The following CAMTA1 variants were observed in gnomAD, a reference collection of about 807,000 sequenced individuals.
CAMTA1 encodes the protein calmodulin binding transcription activator 1, also known as calmodulin-binding transcription activator 1.
In CAMTA1, 27 loss-of-function variants were observed where a neutral mutation model predicts 170.9. The observed-to-expected ratio is 0.16, with a 90% CI of 0.12 to 0.22. The LOEUF is 0.22. CAMTA1 is among the 10% of genes least tolerant of loss of function. The probability of loss-of-function intolerance (pLI) is 1.00; values close to 1 mark genes in which losing one functional copy is unlikely to be tolerated. For missense variants in CAMTA1, 1,619 were observed against 2,217.2 expected (o/e 0.73, Z 5.42); for synonymous variants, 833 against 891.5 (o/e 0.93, Z 1.17).
At chr1:7,387,190 C>T (rs2088107075) in intron 5 of CAMTA1, among the ~76,000 whole-genome samples, 1 of 152,082 alleles carries the variant, frequency 6.6e-6, no homozygotes, top group African/African-American at 2.4e-5. Context: ...GGGCTCCTTC[C>T]CTTGTGTATG....
chr1:7,449,477 G>T lies in CAMTA1; in HGVS notation c.439-18353G>T, dbSNP rs188099299. Among the ~76,000 whole-genome samples the T allele has an allele frequency of 2.0e-4, 31 of 152,260 alleles. 1 individual carries two copies. The highest frequency in any genetic ancestry group is 1.0e-3 in the Admixed American group (16 of 15,294). On this transcript the variant is annotated intron_variant, in intron 5 of 22. Coordinates refer to ENST00000303635, the MANE Select transcript of CAMTA1 (RefSeq NM_015215.4). ...AGGGCCTCAGTTATCTCACCTAGAA[G>T]ATAGGAATGAGGGCCAGGGCAGTGG...
intron 1 of CAMTA1, among the ~76,000 whole-genome samples, chr1:6,816,053 A>G (rs576097426): frequency 6.6e-6 from 1 of 152,280 alleles, no homozygotes; most frequent in Admixed American, 6.5e-5. Context: ...CCTGGGTCCC[A>G]TCCCCAGACA....
chr1:6,964,133 G>A (rs1445579732), intron 3 of CAMTA1, among the ~76,000 whole-genome samples: 1 of 152,186 alleles, frequency 6.6e-6, no homozygotes, highest in African/African-American at 2.4e-5. Flanking sequence ...TGCCCAGGTA[G>A]GGGTGCAGTG....
intron 6 of CAMTA1, among the ~76,000 whole-genome samples, chr1:7,519,195 G>A (rs1257890500): frequency 6.6e-6 from 1 of 152,114 alleles, no homozygotes; most frequent in Admixed American, 6.5e-5. Flanking sequence ...GTGCCCTGAT[G>A]CCGGCTGGCA....
intron 12 of CAMTA1, among the ~76,000 whole-genome samples, chr1:7,734,127 A>C (rs2149953183): frequency 6.6e-6 from 1 of 152,190 alleles, no homozygotes; most frequent in East Asian, 1.9e-4. Flanking sequence ...TTGTATTTTT[A>C]GTAGAGACGG....
chr1:6,993,249 A>C (rs1696676573), intron 3 of CAMTA1, among the ~76,000 whole-genome samples: 1 of 152,192 alleles, frequency 6.6e-6, no homozygotes, highest in South Asian at 2.1e-4. Context: ...CTATTAAAAA[A>C]ACCTGCAGGT....
chr1:7,301,817 T>G (rs2149555024), intron 5 of CAMTA1, among the ~76,000 whole-genome samples: 1 of 152,302 alleles, frequency 6.6e-6, no homozygotes, highest in African/African-American at 2.4e-5. Flanking sequence ...GTGCTCTCAC[T>G]TCCTGCAGCA....
intron 10 of CAMTA1, among the ~76,000 whole-genome samples, chr1:7,671,789 C>T (rs1241845046): frequency 6.6e-6 from 1 of 152,188 alleles, no homozygotes; most frequent in Non-Finnish European, 1.5e-5. Flanking sequence ...CTGCTTAGCA[C>T]GGTGTCCCTG....
At chr1:7,227,402 A>G (rs1661904356) in intron 4 of CAMTA1, among the ~76,000 whole-genome samples, 1 of 151,850 alleles carries the variant, frequency 6.6e-6, no homozygotes, top group Non-Finnish European at 1.5e-5. Flanking sequence ...ATCTTGGCTC[A>G]CCGCAACCTC....
intron 3 of CAMTA1, among the ~76,000 whole-genome samples, chr1:7,019,075 A>G (rs1215349719): frequency 6.6e-6 from 1 of 152,160 alleles, no homozygotes; most frequent in Non-Finnish European, 1.5e-5. Context: ...TGGTGCTACC[A>G]TGACAAGGTG....
At position 7,768,218 on chromosome 1, in the gene CAMTA1, CA is replaced by C. The variant is rs35695415; in HGVS notation, c.*1738del. ...AATCAGAAAATATAATAAAATTGCA[CA>C]AAAAAAAAAATGAAAAAGATGCAGA... On this transcript the variant is annotated 3_prime_UTR_variant, in exon 23 of 23. Coordinates refer to ENST00000303635, the MANE Select transcript of CAMTA1 (RefSeq NM_015215.4). 117,310 of 149,742 alleles carry C rather than the reference CA, an allele frequency of 0.78. 45,950 individuals are homozygous for C. Among genetic ancestry groups the C allele is most frequent in the East Asian group, 0.94 (4,881 of 5,172 alleles). 9.3% of individuals were successfully genotyped at this position (149,742 alleles called of 1,614,324 possible). A position where few individuals can be genotyped will look rare whatever the true frequency, so the allele number is the denominator to read the frequency against.
intron 3 of CAMTA1, among the ~76,000 whole-genome samples, chr1:6,845,218 G>A (rs1657572846): frequency 6.6e-6 from 1 of 152,200 alleles, no homozygotes; most frequent in Non-Finnish European, 1.5e-5. Flanking sequence ...CTCTAGGTCT[G>A]CTGGCCAGCA....
intron 3 of CAMTA1, among the ~76,000 whole-genome samples, chr1:6,864,288 A>G (rs974247205): frequency 1.3e-5 from 2 of 152,120 alleles, no homozygotes; most frequent in Non-Finnish European, 2.9e-5. Context: ...CTTTGCAGCC[A>G]CTGCTGCAGT....
At chr1:7,381,466 C>T (rs1206261511) in intron 5 of CAMTA1, among the ~76,000 whole-genome samples, 1 of 151,582 alleles carries the variant, frequency 6.6e-6, no homozygotes, top group East Asian at 1.9e-4. Flanking sequence ...CATCCATGTC[C>T]CTACAAAGGA....
At chr1:6,902,959 C>CTT (rs976693941) in intron 3 of CAMTA1, among the ~76,000 whole-genome samples, 36 of 152,208 alleles carry the variant, frequency 2.4e-4, no homozygotes, top group African/African-American at 8.7e-4. Context: ...CAGTTCCACT[C>CTT]TTAAGTATTT....
At chr1:6,927,399 GTAGT>G (rs1437896346) in intron 3 of CAMTA1, among the ~76,000 whole-genome samples, 11 of 152,196 alleles carry the variant, frequency 7.2e-5, no homozygotes, top group Non-Finnish European at 1.5e-4. Context: ...CGTTTATTAA[GTAGT>G]TAGATATAAA....
intron 3 of CAMTA1, among the ~76,000 whole-genome samples, chr1:6,966,798 GACTGGATTTC>G (rs1691632368): frequency 6.6e-6 from 1 of 151,448 alleles, no homozygotes; most frequent in Non-Finnish European, 1.5e-5. Context: ...TTTTAGTAGA[GACTGGATTTC>G]ACCGTGTTGC....
intron 5 of CAMTA1, among the ~76,000 whole-genome samples, chr1:7,301,529 G>T (rs2149553220): frequency 6.6e-6 from 1 of 152,272 alleles, no homozygotes; most frequent in African/African-American, 2.4e-5. Context: ...TAGTGCTGGT[G>T]CCTTGGGCTC....
At position 7,681,246 on chromosome 1, in the gene CAMTA1, A is replaced by G. The variant is rs1462119808; in HGVS notation, c.2914+3513A>G. Among the ~76,000 whole-genome samples the G allele has an allele frequency of 6.6e-6, 1 of 152,078 alleles. No individual in the cohort carries two copies. Among genetic ancestry groups the G allele is most frequent in the African/African-American group, 2.4e-5 (1 of 41,412 alleles). Reference sequence around the variant, plus strand: ...TGGCACGTGGTGGGCTGCAGTACATATTTGTGATATGAATGCAGGCACACG... The same window carrying G: ...TGGCACGTGGTGGGCTGCAGTACATGTTTGTGATATGAATGCAGGCACACG... On this transcript the variant is annotated intron_variant, in intron 11 of 22. Transcript: ENST00000303635. The surrounding 1 kb of genome is among the most constrained non-coding windows in gnomAD (Gnocchi z 4.6).
Sources: allele counts gnomAD v4.1 joint callset (sites outside exome capture counted in the v4.1 genomes callset), GRCh38; gene constraint gnomAD v4.1.1; non-coding constraint Gnocchi (gnomAD v3.1); transcripts MANE v1.5; gene names NCBI Gene and HGNC (gene_info 2026-07-23, HGNC 2026-07-21).